FGF2: variants seen among roughly 807,000 people sequenced by gnomAD.
FGF2 encodes fibroblast growth factor 2, also known as basic fibroblast growth factor bFGF.
Under a neutral mutation model 15.9 loss-of-function variants are expected in FGF2, and 13 were observed. The ratio of observed to expected loss-of-function variants is 0.82; its 90% CI spans 0.53 to 1.30. The LOEUF (loss-of-function observed/expected upper bound fraction) is 1.30, where lower values mean the gene tolerates loss of function less well. Among genes scored for constraint, FGF2 ranks in the 50% most tolerant of loss-of-function variants. The pLI, the probability that FGF2 is intolerant of heterozygous loss-of-function variation, is 0.00. For missense variants in FGF2, 163 were observed against 196.9 expected, an observed-to-expected ratio of 0.83 and a Z score of 1.03; for synonymous variants, 90 against 78.4, an observed-to-expected ratio of 1.15 and a Z score of -0.78.
intron 2 of FGF2, among the ~76,000 whole-genome samples, chr4:122,885,837 G>T (rs545337657): frequency 4.1e-5 from 6 of 147,758 alleles, no homozygotes; most frequent in Admixed American, 6.7e-5. Flanking sequence ...CCTTATTTTT[G>T]ATTACTTTGA....
At chr4:122,828,257 C>G (rs142790891) in intron 1 of FGF2, among the ~76,000 whole-genome samples, 2 of 152,212 alleles carry the variant, frequency 1.3e-5, no homozygotes, top group Non-Finnish European at 2.9e-5. Context: ...AACATGTTCC[C>G]CGGGGATGCT....
At chr4:122,853,419 A>T (rs970897131) in intron 1 of FGF2, among the ~76,000 whole-genome samples, 1 of 152,250 alleles carries the variant, frequency 6.6e-6, no homozygotes, top group African/African-American at 2.4e-5. Context: ...GTTCATGTAT[A>T]TTATAAATAT....
At chr4:122,872,882 A>T (rs1726769296) in intron 1 of FGF2, among the ~76,000 whole-genome samples, 1 of 152,372 alleles carries the variant, frequency 6.6e-6, no homozygotes, top group South Asian at 2.1e-4. Flanking sequence ...GGAGCACTCA[A>T]TATGGAAAGG....
At chr4:122,869,841 C>T (rs375408334) in intron 1 of FGF2, among the ~76,000 whole-genome samples, 2 of 152,244 alleles carry the variant, frequency 1.3e-5, no homozygotes, top group African/African-American at 4.8e-5. Flanking sequence ...TTTCTCTTGC[C>T]TGATTTCCCT....
Position 122,897,869 on chromosome 4 carries a change from T to G in FGF2, c.*5473T>G. 1 of 575,624 alleles carries G rather than the reference T, an allele frequency of 1.7e-6. No homozygotes were observed. Among genetic ancestry groups the G allele is most frequent in the Non-Finnish European group, 3.1e-6 (1 of 319,450 alleles). 35.7% of individuals were successfully genotyped at this position (575,624 alleles called of 1,614,324 possible). ...TTTTTTTGGGGGAGCTGGTAACTGATGAAATCTTTTCCCACCTTTTCTCTT... is the reference window on the plus strand; with the variant it reads ...TTTTTTTGGGGGAGCTGGTAACTGAGGAAATCTTTTCCCACCTTTTCTCTT... On this transcript the variant is annotated 3_prime_UTR_variant, in exon 3 of 3. Coordinates refer to ENST00000644866, the MANE Select transcript of FGF2 (RefSeq NM_001361665.2).
At chr4:122,871,606 G>T (rs757861068) in intron 1 of FGF2, among the ~76,000 whole-genome samples, 1 of 151,982 alleles carries the variant, frequency 6.6e-6, no homozygotes. Context: ...CTGGCATCAG[G>T]TTGGTGCTCC....
upstream of FGF2, chr4:122,826,726 G>C: frequency 8.0e-7 from 1 of 1,257,236 alleles, no homozygotes; most frequent in Non-Finnish European, 1.0e-6. Flanking sequence ...GAAAACCCGA[G>C]CGAGTAGGGG....
chr4:122,893,243 T>C lies in FGF2; in HGVS notation c.*847T>C. On this transcript the variant is annotated 3_prime_UTR_variant, in exon 3 of 3. Coordinates refer to ENST00000644866, the MANE Select transcript of FGF2 (RefSeq NM_001361665.2). ...TGTGTCTCCTACGTAAAAAAAGAGA[T>C]GTACAAATCAATAATAATTACACTT... 6.4e-7 allele frequency: 1 copy of C among 1,562,788 alleles called. No homozygotes were observed. The highest frequency in any genetic ancestry group is 1.2e-5 in the South Asian group (1 of 82,754).
rs1727311947 is a variant in FGF2 at position 122,895,152 on chromosome 4, TATTTCTTCCCCAAGG to T, written c.*2762_*2776del. 1 of 152,352 alleles carries T rather than the reference TATTTCTTCCCCAAGG, an allele frequency of 6.6e-6. No individual in the cohort carries two copies. Among genetic ancestry groups the T allele is most frequent in the African/African-American group, 2.4e-5 (1 of 41,582 alleles). 9.4% of individuals were successfully genotyped at this position (152,352 alleles called of 1,614,324 possible). A position where few individuals can be genotyped will look rare whatever the true frequency, so the allele number is the denominator to read the frequency against. The stretch of plus-strand genomic sequence containing the variant: ...GGAGACCCTTCCACCTCAAGATGGA[TATTTCTTCCCCAAGG>T]ATTTCAAGATGAATTGAAATTTTTA... On this transcript the variant is annotated 3_prime_UTR_variant, in exon 3 of 3. Coordinates refer to ENST00000644866, the MANE Select transcript of FGF2 (RefSeq NM_001361665.2).
At chr4:122,840,096 C>T (rs1342900702) in intron 1 of FGF2, among the ~76,000 whole-genome samples, 6 of 152,106 alleles carry the variant, frequency 3.9e-5, no homozygotes, top group South Asian at 2.1e-4. Context: ...TTCATTTTAA[C>T]GTAATCACAT....
intron 1 of FGF2, among the ~76,000 whole-genome samples, chr4:122,859,294 C>A (rs1726405411): frequency 6.6e-6 from 1 of 151,512 alleles, no homozygotes; most frequent in Non-Finnish European, 1.5e-5. Context: ...TAAGAGACAC[C>A]AATATCAATT....
At position 122,896,667 on chromosome 4, in the gene FGF2, G is replaced by A. The variant is rs1727365547; in HGVS notation, c.*4271G>A. The A allele has an allele frequency of 6.6e-6, 1 of 152,148 alleles. No homozygotes were observed. The highest frequency in any genetic ancestry group is 1.5e-5 in the Non-Finnish European group (1 of 68,016). The allele number at this position is 152,148 out of a possible 1,614,324, so 9.4% of individuals were successfully genotyped here. A position where few individuals can be genotyped will look rare whatever the true frequency, so the allele number is the denominator to read the frequency against. ...AGATTGGCTAGAGATATATCTTAAT[G>A]CAATCCATTTTCTGATGGATTGTTA... On this transcript the variant is annotated 3_prime_UTR_variant, in exon 3 of 3. Transcript: ENST00000644866.
chr4:122,852,742 T>C (rs2150772321), intron 1 of FGF2, among the ~76,000 whole-genome samples: 1 of 152,322 alleles, frequency 6.6e-6, no homozygotes, highest in East Asian at 1.9e-4. Context: ...TTTACCAAAA[T>C]TCAAACTTCA....
At chr4:122,876,833 A>G (rs1473824471) in intron 2 of FGF2, among the ~76,000 whole-genome samples, 1 of 152,258 alleles carries the variant, frequency 6.6e-6, no homozygotes. Flanking sequence ...AACACTAGCA[A>G]TGTAGAACAC....
intron 2 of FGF2, among the ~76,000 whole-genome samples, chr4:122,890,835 AT>A (rs1390806593): frequency 1.3e-5 from 2 of 152,126 alleles, no homozygotes; most frequent in Non-Finnish European, 2.9e-5. Context: ...TACATCTTAT[AT>A]TTATGTGTTT....
Position 122,862,655 on chromosome 4 carries a change from C to T in FGF2, c.179-13666C>T, listed in dbSNP as rs146586487. Among the ~76,000 whole-genome samples the T allele has an allele frequency of 5.2e-4, 79 of 152,228 alleles. No individual in the cohort carries two copies. The East Asian group carries it at 0.014, about 26-fold the overall frequency. ...AAGTCAAAGTTGGACAGTTGTTTGT[C>T]ATGGATATTGTAGATGTGATTTAAG... On this transcript the variant is annotated intron_variant, in intron 1 of 2. Coordinates refer to ENST00000644866, the MANE Select transcript of FGF2 (RefSeq NM_001361665.2).
chr4:122,853,626 A>G (rs1055032511), intron 1 of FGF2, among the ~76,000 whole-genome samples: 1 of 145,336 alleles, frequency 6.9e-6, no homozygotes, highest in Non-Finnish European at 1.5e-5. Context: ...ATATTTAAAC[A>G]TCTTGAACTG....
upstream of FGF2, chr4:122,826,704 A>G: frequency 8.0e-7 from 1 of 1,254,334 alleles, no homozygotes; most frequent in Non-Finnish European, 1.0e-6. Flanking sequence ...CCGAACTCAG[A>G]GGCCGGCCCC....
rs185562184 is a variant in FGF2, at chr4:122,881,823, G to C, written c.282+5399G>C. The C allele has an allele frequency of 5.4e-4, 84 of 156,754 alleles. 1 individual carries two copies. The highest frequency in any genetic ancestry group is 4.6e-4 in the Admixed American group (7 of 15,364). 9.7% of individuals were successfully genotyped at this position (156,754 alleles called of 1,614,324 possible). A position where few individuals can be genotyped will look rare whatever the true frequency, so the allele number is the denominator to read the frequency against. On this transcript the variant is annotated intron_variant, in intron 2 of 2. Coordinates refer to ENST00000644866, the MANE Select transcript of FGF2 (RefSeq NM_001361665.2). Reference sequence around the variant, plus strand: ...ACCCCATTCCTAGTACCAATTTACTGTATTAGTCCATTTTCATGCTGCTGA... The same window carrying C: ...ACCCCATTCCTAGTACCAATTTACTCTATTAGTCCATTTTCATGCTGCTGA...
Sources: gnomAD v4.1 joint callset for allele counts (sites outside exome capture counted in the v4.1 genomes callset) on GRCh38, gnomAD v4.1.1 for gene constraint, MANE v1.5 for transcripts, NCBI Gene and HGNC (gene_info 2026-07-23, HGNC 2026-07-21) for gene names.